FXR2: variants seen among roughly 807,000 people sequenced by gnomAD.
FXR2 encodes RNA-binding protein FXR2.
Under a neutral mutation model 87.3 loss-of-function variants are expected in FXR2, and 9 were observed. That is an observed-to-expected ratio of 0.10 (90% CI 0.06 to 0.18). FXR2 has a LOEUF of 0.18. Among genes scored for constraint, FXR2 ranks in the 10% least tolerant of loss-of-function variants. The probability of loss-of-function intolerance (pLI) is 1.00; values close to 1 mark genes in which losing one functional copy is unlikely to be tolerated. For synonymous variants in FXR2, 331 were observed against 328.3 expected (o/e 1.01, Z -0.09); for missense variants, 661 against 893.6 (o/e 0.74, Z 3.32).
chr17:7,603,650 G>C (rs988515575), intron 5 of FXR2, 107 bp downstream of exon 5: 43 of 1,042,958 alleles, frequency 4.1e-5, no homozygotes, highest in Middle Eastern at 3.1e-4. Flanking sequence ...TAGAGGGCCA[G>C]GGGAACAACA....
At chr17:7,611,740 C>T (rs1204381974) in intron 1 of FXR2, among the ~76,000 whole-genome samples, 3 of 151,922 alleles carry the variant, frequency 2.0e-5, no homozygotes, top group Non-Finnish European at 2.9e-5. Context: ...GAGAAAGGGA[C>T]CTTCCCAAAT....
chr17:7,594,395 A>T lies in FXR2; in HGVS notation c.911-48T>A. Reference sequence around the variant, plus strand: ...TCAGCCTTTTATTTTTTTTAAGGAAATAAGAATAAAGCTGATACACCGTCT... The same window carrying T: ...TCAGCCTTTTATTTTTTTTAAGGAATTAAGAATAAAGCTGATACACCGTCT... On this transcript the variant is annotated intron_variant, in intron 9 of 16. Transcript: ENST00000250113. The surrounding 1 kb of genome is among the most constrained non-coding windows in gnomAD (Gnocchi z 5.1). 8.3e-7 allele frequency: 1 copy of T among 1,201,610 alleles called. No individual in the cohort carries two copies. The highest frequency in any genetic ancestry group is 1.2e-6 in the Non-Finnish European group (1 of 813,814). The allele number at this position is 1,201,610 out of a possible 1,614,324, so 74.4% of individuals were successfully genotyped here. A position where few individuals can be genotyped will look rare whatever the true frequency, so the allele number is the denominator to read the frequency against.
In FXR2 at chr17:7,614,488, G is replaced by T; in HGVS notation, c.45C>A (p.Pro15=). The T allele has an allele frequency of 6.5e-7, 1 of 1,540,190 alleles. No individual in the cohort carries two copies. The highest frequency in any genetic ancestry group is 8.7e-7 in the Non-Finnish European group (1 of 1,146,570). Residue 15 remains proline, a synonymous_variant, in exon 1 of 17, where the codon CCC becomes CCA. Coordinates refer to ENST00000250113, the MANE Select transcript of FXR2 (RefSeq NM_004860.4). ...ASGGDVEPGL[P]VEVRGSNGAF... ...CCCCGTTGGAGCCGCGCACCTCGAC[G>T]GGCAGTCCCGGCTCCACATCCCCCC...
intron 3 of FXR2, among the ~76,000 whole-genome samples, chr17:7,604,421 C>T (rs183922360): frequency 1.7e-4 from 26 of 152,142 alleles, no homozygotes; most frequent in Admixed American, 1.6e-3. Context: ...AGAGGCCAAG[C>T]GCGGTGGCTT....
intron 1 of FXR2, among the ~76,000 whole-genome samples, chr17:7,612,996 C>CAAAA (rs34323537): frequency 4.0e-5 from 2 of 49,566 alleles, no homozygotes; most frequent in African/African-American, 8.2e-5. Flanking sequence ...GACTCCATCT[C>CAAAA]AAAAAAAAAA....
intron 1 of FXR2, among the ~76,000 whole-genome samples, chr17:7,607,835 G>A (rs1248097311): frequency 6.6e-6 from 1 of 151,486 alleles, no homozygotes; most frequent in African/African-American, 2.4e-5. Flanking sequence ...CGCTCTTGTT[G>A]CCCACGCTGG....
rs2071930664 is a variant in FXR2, at chr17:7,614,713, C to T, written c.-181G>A. ...CAACGAGCAGGGGGCCGGGGCCGGG[C>T]CGCTCCCCGTCCGCCGCCGCCGCCT... On this transcript the variant is annotated 5_prime_UTR_variant, in exon 1 of 17. Coordinates refer to ENST00000250113, the MANE Select transcript of FXR2 (RefSeq NM_004860.4). 1.0e-5 allele frequency: 3 copies of T among 294,368 alleles called. No individual in the cohort carries two copies. The highest frequency in any genetic ancestry group is 1.9e-5 in the Non-Finnish European group (3 of 161,334). The allele number at this position is 294,368 out of a possible 1,614,324, so 18.2% of individuals were successfully genotyped here.
At position 7,593,690 on chromosome 17, in the gene FXR2, T is replaced by C. The variant is rs1760956432; in HGVS notation, c.1108-65A>G. The C allele has an allele frequency of 1.8e-6, 2 of 1,131,672 alleles. No individual in the cohort carries two copies. Among genetic ancestry groups the C allele is most frequent in the South Asian group, 2.6e-5 (2 of 75,510 alleles). 70.1% of individuals were successfully genotyped at this position (1,131,672 alleles called of 1,614,324 possible). A position where few individuals can be genotyped will look rare whatever the true frequency, so the allele number is the denominator to read the frequency against. ...AGATCAGTGCCTTGCTTCATGCTTC[T>C]GCACCCTGACTGTCCCTCTATATCT... On this transcript the variant is annotated intron_variant, in intron 11 of 16. Coordinates refer to ENST00000250113, the MANE Select transcript of FXR2 (RefSeq NM_004860.4). The surrounding 1 kb of genome is among the most constrained non-coding windows in gnomAD (Gnocchi z 6.1).
intron 1 of FXR2, among the ~76,000 whole-genome samples, chr17:7,611,939 A>G (rs1176379582): frequency 6.6e-6 from 1 of 152,166 alleles, no homozygotes; most frequent in Non-Finnish European, 1.5e-5. Flanking sequence ...ACCTGCCCAG[A>G]TCCACATTAC....
intron 1 of FXR2, among the ~76,000 whole-genome samples, chr17:7,613,032 TGCACTTA>T (rs1475278442): frequency 7.2e-6 from 1 of 138,600 alleles, no homozygotes. Flanking sequence ...ATGACTACAA[TGCACTTA>T]GCAACTGAAG....
intron 1 of FXR2, chr17:7,613,891 A>G: frequency 5.4e-6 from 2 of 369,478 alleles, no homozygotes; most frequent in Non-Finnish European, 1.1e-5. Flanking sequence ...GAGGTCAAAG[A>G]TGCCAAACGT....
chr17:7,602,338 G>A (rs577265297), intron 6 of FXR2, among the ~76,000 whole-genome samples: 24 of 152,260 alleles, frequency 1.6e-4, no homozygotes, highest in Admixed American at 1.3e-3. Flanking sequence ...GGCCGAGGCG[G>A]GTGGATCAGG....
chr17:7,598,555 C>T (rs963771400), intron 7 of FXR2, among the ~76,000 whole-genome samples: 3 of 152,134 alleles, frequency 2.0e-5, no homozygotes, highest in Non-Finnish European at 4.4e-5. Context: ...CTCAGCCTAC[C>T]GTACATGTCT....
chr17:7,593,490 A>G lies in FXR2; in HGVS notation c.1243T>C (p.Ser415Pro). Residue 415 changes from serine to proline, a missense_variant, in exon 12 of 17, where the codon TCC becomes CCC. Transcript: ENST00000250113. This position sits in a 1 kb window ranked among gnomAD's most constrained non-coding sequence, Gnocchi z 6.1. The part of the protein sequence containing the change: ...DKAGYSTDES[S>P]SSSLHATRTY... Reference sequence around the variant, plus strand: ...CGAGTCGCATGGAGGGAGGAGGAGGAGCTCTCATCAGTGCTATATCCAGCC... The same window carrying G: ...CGAGTCGCATGGAGGGAGGAGGAGGGGCTCTCATCAGTGCTATATCCAGCC... 3 of 1,587,328 alleles carry G rather than the reference A, an allele frequency of 1.9e-6. No individual in the cohort carries two copies. Among genetic ancestry groups the G allele is most frequent in the Non-Finnish European group, 2.6e-6 (3 of 1,168,374 alleles).
intron 7 of FXR2, among the ~76,000 whole-genome samples, chr17:7,598,870 G>T (rs114577463): frequency 2.2e-3 from 336 of 152,322 alleles, no homozygotes; most frequent in African/African-American, 7.3e-3. Context: ...TTAGGGCCAG[G>T]TATAGTGGCT....
intron 5 of FXR2, 29 bp downstream of exon 5, chr17:7,603,728 C>T (rs756831270): frequency 1.2e-6 from 2 of 1,609,628 alleles, no homozygotes; most frequent in Non-Finnish European, 1.7e-6. Flanking sequence ...GTAAAGAGGG[C>T]CCTCATTCCC....
chr17:7,614,015 C>T (rs1454356859), intron 1 of FXR2: 1 of 457,918 alleles, frequency 2.2e-6, no homozygotes, highest in East Asian at 6.8e-5. Flanking sequence ...ATGAAAGGAT[C>T]TTTTACGGGA....
At chr17:7,601,729 C>A (rs11651528) in intron 6 of FXR2, among the ~76,000 whole-genome samples, 37,345 of 151,870 alleles carry the variant, frequency 0.25, 4,845 homozygotes, top group South Asian at 0.39. Flanking sequence ...GAGATCGAGA[C>A]CATCCTGGCC....
Position 7,614,514 on chromosome 17 carries a change from C to A in FXR2, c.19G>T (p.Gly7Trp), listed in dbSNP as rs776755617. ...GGCAGTCCCGGCTCCACATCCCCCC[C>A]AGAGGCCAGGCCGCCCATGGCGCCG... MGGLAS[G>W]GDVEPGLPVE... Residue 7 changes from glycine to tryptophan, a missense_variant, in exon 1 of 17, where the codon GGG becomes TGG. Physicochemically the swap from Gly to Trp is radical, Grantham distance 184. Coordinates refer to ENST00000250113, the MANE Select transcript of FXR2 (RefSeq NM_004860.4). 2 of 1,514,354 alleles carry A rather than the reference C, an allele frequency of 1.3e-6. No homozygotes were observed. The highest frequency in any genetic ancestry group is 1.2e-5 in the South Asian group (1 of 80,486). 93.8% of individuals were successfully genotyped at this position (1,514,354 alleles called of 1,614,324 possible).
Sources: allele counts gnomAD v4.1 joint callset (sites outside exome capture counted in the v4.1 genomes callset), GRCh38; gene constraint gnomAD v4.1.1; non-coding constraint Gnocchi (gnomAD v3.1); transcripts MANE v1.5; gene names NCBI Gene and HGNC (gene_info 2026-07-23, HGNC 2026-07-21).